The following DNAH5 variants were observed in gnomAD, a reference collection of about 807,000 sequenced individuals.
The protein encoded by DNAH5 is axonemal beta dynein heavy chain 5.
A neutral mutation model predicts 518.2 loss-of-function variants in DNAH5; 372 were observed. That is an observed-to-expected ratio of 0.72 (90% CI 0.66 to 0.78). The LOEUF (loss-of-function observed/expected upper bound fraction) is 0.78. Among genes scored for constraint, DNAH5 ranks in the 30% least tolerant of loss-of-function variants. The pLI, the probability that DNAH5 is intolerant of heterozygous loss-of-function variation, is 0.00. For synonymous variants in DNAH5, 2,039 were observed against 2,025.9 expected (o/e 1.01, Z -0.17); for missense variants, 5,523 against 5,687.0 (o/e 0.97, Z 0.93).
chr5:13,768,819 G>T (rs1299781906), intron 58 of DNAH5, 141 bp downstream of exon 58: 2 of 994,936 alleles, frequency 2.0e-6, no homozygotes, highest in Admixed American at 3.9e-5. Context: ...GTCTCAAGCA[G>T]AAAATATTAC....
At chr5:13,868,043 T>C (rs1194022956) in intron 24 of DNAH5, 51 bp from the exon 25 acceptor site, 1 of 1,251,844 alleles carries the variant, frequency 8.0e-7, no homozygotes, top group Non-Finnish European at 1.2e-6. Context: ...TGCATAAATC[T>C]ACACACAGCC....
chr5:13,733,679 G>A (rs1746931033), intron 68 of DNAH5, among the ~76,000 whole-genome samples: 1 of 152,158 alleles, frequency 6.6e-6, no homozygotes, highest in South Asian at 2.1e-4. Flanking sequence ...AAACAGATGA[G>A]TCTTTGTTGC....
intron 70 of DNAH5, among the ~76,000 whole-genome samples, chr5:13,721,619 C>T (rs551396138): frequency 1.3e-5 from 2 of 152,266 alleles, no homozygotes; most frequent in East Asian, 1.9e-4. Context: ...GTAAGCAACA[C>T]AATACCTAGA....
chr5:13,931,603 T>C (rs1321034964), intron 1 of DNAH5, among the ~76,000 whole-genome samples: 1 of 152,208 alleles, frequency 6.6e-6, no homozygotes, highest in Non-Finnish European at 1.5e-5. Context: ...TTTGTAAACA[T>C]TTTCCTAAGC....
chr5:13,966,143 C>T (rs1025616800), intron 1 of DNAH5, among the ~76,000 whole-genome samples: 20 of 152,124 alleles, frequency 1.3e-4, no homozygotes, highest in African/African-American at 4.6e-4. Context: ...TAATTCCATC[C>T]AAGGTTGCTG....
chr5:14,004,380 T>TA, intron 1 of DNAH5, among the ~76,000 whole-genome samples: 1 of 152,272 alleles, frequency 6.6e-6, no homozygotes, highest in Admixed American at 6.5e-5. Context: ...GGAAAGAAGG[T>TA]AAAAGGCCTG....
chr5:13,739,520 G>A (rs775574242), intron 65 of DNAH5, among the ~76,000 whole-genome samples: 7 of 152,046 alleles, frequency 4.6e-5, no homozygotes, highest in East Asian at 1.9e-4. Flanking sequence ...ACCCAGTCTC[G>A]GGTATTTCTT....
intron 1 of DNAH5, among the ~76,000 whole-genome samples, chr5:13,951,163 A>AATATTC (rs1174142022): frequency 6.7e-6 from 1 of 150,274 alleles, no homozygotes; most frequent in Non-Finnish European, 1.5e-5. Flanking sequence ...ATAAAGTAAC[A>AATATTC]ATATTCATAT....
At chr5:13,991,944 T>C (rs1581130355) in intron 1 of DNAH5, among the ~76,000 whole-genome samples, 3 of 152,182 alleles carry the variant, frequency 2.0e-5, no homozygotes, top group South Asian at 4.1e-4. Context: ...CTAACAAGCA[T>C]GAAGCAAATC....
chr5:13,834,375 C>T (rs1764090979), intron 35 of DNAH5, among the ~76,000 whole-genome samples: 1 of 152,130 alleles, frequency 6.6e-6, no homozygotes, highest in South Asian at 2.1e-4. Flanking sequence ...AGAAAATAAA[C>T]TGTTGATCAT....
At chr5:13,883,377 T>C (rs780506455) in intron 19 of DNAH5, among the ~76,000 whole-genome samples, 5 of 152,068 alleles carry the variant, frequency 3.3e-5, no homozygotes, top group Admixed American at 6.5e-5. Flanking sequence ...AACACTTCTG[T>C]AAAATATTAA....
rs202042997 is a variant in DNAH5, at chr5:13,735,238, C to G, written c.11654G>C (p.Arg3885Pro). ...MTYEVYKYAA[R>P]GLYEEHKFLF... Reference sequence around the variant, plus strand: ...GAATTTGTGCTCCTCGTACAGCCCTCGGGCAGCATACTTATAAACCTCGTA... The same window carrying G: ...GAATTTGTGCTCCTCGTACAGCCCTGGGGCAGCATACTTATAAACCTCGTA... Residue 3885 changes from arginine (R) to proline (P), a missense_variant, in exon 68 of 79, where the codon CGA becomes CCA. By Grantham distance (103) the Arg-to-Pro change is moderately radical. This residue lies in a region of DNAH5 where 5,121 missense variants were observed against 5,223.3 expected (regional missense o/e 0.98). Coordinates refer to ENST00000265104, the MANE Select transcript of DNAH5 (RefSeq NM_001369.3). The G allele has an allele frequency of 6.2e-7, 1 of 1,614,040 alleles. No homozygotes were observed. The highest frequency in any genetic ancestry group is 1.1e-5 in the South Asian group (1 of 91,070).
At chr5:13,708,969 A>G (rs1205586271) in intron 75 of DNAH5, among the ~76,000 whole-genome samples, 2 of 152,192 alleles carry the variant, frequency 1.3e-5, no homozygotes, top group Admixed American at 1.3e-4. Context: ...TTATCATTCT[A>G]TTTTTAGACA....
Position 13,762,903 on chromosome 5 carries a change from T to C in DNAH5, c.10102-2A>G. ...ATTGATTGTGTCTTTTGGGAATTGC[T>C]ATGGAAGAAAAGAGTAAAATAAAGT... is the stretch of plus-strand genomic sequence containing the variant. On this transcript the variant is annotated splice_acceptor_variant, in intron 59 of 78. Transcript: ENST00000265104. LOFTEE classifies it high-confidence loss of function. The C allele has an allele frequency of 6.2e-7, 1 of 1,613,146 alleles. No homozygotes were observed. The highest frequency in any genetic ancestry group is 8.5e-7 in the Non-Finnish European group (1 of 1,179,284).
intron 44 of DNAH5, 76 bp from the exon 45 acceptor site, chr5:13,810,336 A>G: frequency 8.0e-7 from 1 of 1,255,542 alleles, no homozygotes; most frequent in Non-Finnish European, 1.1e-6. Flanking sequence ...CAATGGGAAC[A>G]GTAAACATAG....
intron 35 of DNAH5, among the ~76,000 whole-genome samples, chr5:13,837,560 CAA>C (rs35339556): frequency 6.9e-6 from 1 of 144,674 alleles, no homozygotes; most frequent in South Asian, 2.2e-4. Flanking sequence ...TCTATCTTCT[CAA>C]AAAAAAAAAC....
chr5:14,009,772 G>C (rs1784990880), intron 1 of DNAH5, among the ~76,000 whole-genome samples: 1 of 152,158 alleles, frequency 6.6e-6, no homozygotes, highest in Non-Finnish European at 1.5e-5. Context: ...TACTCAGCTG[G>C]GGAGAGCAAG....
At position 13,890,981 on chromosome 5, in the gene DNAH5, T is replaced by G; in HGVS notation, c.2572A>C (p.Thr858Pro). ...AAAATCAAGGTTTTAATGACCTTTG[T>G]CATTTGGAGAAACTCTTCACAGGTT... ...PLTCEEFLQM[T>P]KDLCVNGAQI... The change falls in exon 17 of 79, where the codon ACA becomes CCA. Residue 858 changes from threonine to proline, a missense_variant. Physicochemically the swap from Thr to Pro is conservative, Grantham distance 38 (BLOSUM62 -1). Transcript: ENST00000265104. 6.2e-7 allele frequency: 1 copy of G among 1,614,136 alleles called. No homozygotes were observed. The highest frequency in any genetic ancestry group is 8.5e-7 in the Non-Finnish European group (1 of 1,180,002).
intron 11 of DNAH5, 35 bp from the exon 12 acceptor site, chr5:13,911,528 A>C (rs564004682): frequency 6.7e-7 from 1 of 1,500,852 alleles, no homozygotes; most frequent in East Asian, 2.3e-5. Context: ...ATAATATTTC[A>C]ATATTCTTAT....
Sources: gnomAD v4.1 joint callset for allele counts (sites outside exome capture counted in the v4.1 genomes callset) on GRCh38, gnomAD v4.1.1 for gene constraint, gnomAD v4.1.1 regional missense constraint, MANE v1.5 for transcripts, NCBI Gene and HGNC (gene_info 2026-07-23, HGNC 2026-07-21) for gene names.